The following DMD variants were observed in gnomAD, a reference collection of about 807,000 sequenced individuals.
DMD encodes the protein mutant dystrophin.
In DMD, 63 loss-of-function variants were observed where a neutral mutation model predicts 330.1. The observed-to-expected ratio is 0.19, with a 90% confidence interval of 0.16 to 0.24. The LOEUF (loss-of-function observed/expected upper bound fraction) is 0.24. Among genes scored for constraint, DMD ranks in the 10% least tolerant of loss-of-function variants. DMD has a pLI of 1.00. For missense variants in DMD, 3,344 were observed against 2,684.1 expected (o/e 1.25, Z -5.43); for synonymous variants, 1,223 against 959.8 (o/e 1.27, Z -5.07).
At chrX:32,710,552 A>T (rs2065094502) in intron 7 of DMD, among the ~76,000 whole-genome samples, 1 of 111,601 alleles carries the variant, frequency 9.0e-6, no homozygotes, top group African/African-American at 3.3e-5. Flanking sequence ...TTCAGATTGA[A>T]AATACTCAAG....
chrX:31,929,854 G>T, intron 46 of DMD, 109 bp from the exon 47 acceptor site: 1 of 953,355 alleles, frequency 1.0e-6, no homozygotes, highest in Non-Finnish European at 1.5e-6. Flanking sequence ...CTTGACCGAG[G>T]GCCCAGTGGT....
At chrX:32,966,289 A>G (rs1203831018) in intron 2 of DMD, among the ~76,000 whole-genome samples, 1 of 111,786 alleles carries the variant, frequency 8.9e-6, no homozygotes, top group Non-Finnish European at 1.9e-5. Flanking sequence ...GTCAAGGGGT[A>G]AGTCTAGTGT....
At chrX:32,814,295 G>A (rs897778406) in intron 6 of DMD, among the ~76,000 whole-genome samples, 2 of 112,173 alleles carry the variant, frequency 1.8e-5, no homozygotes, top group South Asian at 3.7e-4. Context: ...TAGAAATCTG[G>A]CTTCCTTTGA....
intron 7 of DMD, among the ~76,000 whole-genome samples, chrX:32,705,926 C>T (rs758559225): frequency 9.1e-6 from 1 of 109,883 alleles, no homozygotes; most frequent in Non-Finnish European, 1.9e-5. Context: ...CACATGCACA[C>T]GTATGTTTAC....
intron 45 of DMD, among the ~76,000 whole-genome samples, chrX:31,939,978 C>T (rs1227482405): frequency 8.9e-6 from 1 of 111,812 alleles, no homozygotes; most frequent in African/African-American, 3.3e-5. Context: ...TATATGTAAT[C>T]ACAATGCAAC....
intron 1 of DMD, among the ~76,000 whole-genome samples, chrX:33,252,780 T>C (rs1167977835): frequency 2.7e-5 from 3 of 111,837 alleles, no homozygotes; most frequent in Non-Finnish European, 5.6e-5. Flanking sequence ...ATTTAGAAGA[T>C]CATCACACAA....
At chrX:32,950,260 G>A (rs928310953) in intron 2 of DMD, among the ~76,000 whole-genome samples, 2 of 111,154 alleles carry the variant, frequency 1.8e-5, no homozygotes, top group African/African-American at 6.5e-5. Flanking sequence ...GCCAAATACT[G>A]TTTTAAGCTC....
chrX:31,516,900 C>A (rs1337555238), intron 55 of DMD, among the ~76,000 whole-genome samples: 1 of 111,163 alleles, frequency 9.0e-6, no homozygotes, highest in East Asian at 2.8e-4. Context: ...GGTGGATTAC[C>A]CCCGGAGGAA....
intron 60 of DMD, among the ~76,000 whole-genome samples, chrX:31,392,156 C>G (rs766555397): frequency 8.9e-6 from 1 of 112,230 alleles, no homozygotes; most frequent in South Asian, 3.7e-4. Context: ...TGAAACATGA[C>G]AAGAACTGCC....
chrX:32,309,679 A>AT (rs902782909), intron 42 of DMD, among the ~76,000 whole-genome samples: 3 of 111,452 alleles, frequency 2.7e-5, no homozygotes, highest in African/African-American at 9.7e-5. Context: ...CATAAAAAAT[A>AT]TAAAACAAAA....
chrX:31,930,669 A>C (rs1225931986), intron 46 of DMD, among the ~76,000 whole-genome samples: 8 of 112,392 alleles, frequency 7.1e-5, no homozygotes, highest in African/African-American at 2.6e-4. Context: ...ACAAAAATGG[A>C]TGATGCAGAA....
chrX:32,454,284 C>G (rs1165956312), intron 26 of DMD, among the ~76,000 whole-genome samples: 1 of 111,224 alleles, frequency 9.0e-6, no homozygotes, highest in Non-Finnish European at 1.9e-5. Flanking sequence ...CAAATTAACA[C>G]AGTTTGTTGA....
chrX:32,449,217 C>G (rs1374478163), intron 26 of DMD, among the ~76,000 whole-genome samples: 1 of 110,701 alleles, frequency 9.0e-6, no homozygotes, highest in Non-Finnish European at 1.9e-5. Context: ...GCCTGACACC[C>G]AGCTATGCCT....
At chrX:31,519,349 C>T (rs776479665) in intron 55 of DMD, among the ~76,000 whole-genome samples, 1 of 112,305 alleles carries the variant, frequency 8.9e-6, no homozygotes, top group African/African-American at 3.2e-5. Context: ...TAGTTGATGT[C>T]AAGTCTCATC....
chrX:32,251,313 C>G (rs984239244), intron 43 of DMD, among the ~76,000 whole-genome samples: 1 of 111,351 alleles, frequency 9.0e-6, no homozygotes, highest in Non-Finnish European at 1.9e-5. Flanking sequence ...AGGTATCCCA[C>G]GTATGTATCT....
chrX:32,251,998 GAAAT>G lies in DMD; in HGVS notation c.6291-34939_6291-34936del, dbSNP rs1383898776. On this transcript the variant is annotated intron_variant, in intron 43 of 78. Transcript: ENST00000357033. ...GGGCAACAGAGTGAGATTGTGTCTT[GAAAT>G]AAATAAATAAGTAAAACAAAATTTA... 1.3e-4 allele frequency among the ~76,000 whole-genome samples: 15 copies of G among 111,275 alleles called. No homozygotes were observed. In the East Asian group the frequency reaches 3.7e-3, roughly 28 times the overall value.
chrX:33,332,006 G>A (rs1311312365), intron 1 of DMD, among the ~76,000 whole-genome samples: 1 of 111,404 alleles, frequency 9.0e-6, no homozygotes, highest in East Asian at 2.8e-4. Flanking sequence ...CAAAATGTAT[G>A]GAGTTATAAA....
chrX:32,683,567 C>G (rs755496286), intron 9 of DMD, among the ~76,000 whole-genome samples: 1 of 100,026 alleles, frequency 1.0e-5, no homozygotes, highest in Non-Finnish European at 2.0e-5. Context: ...ACCGCATGTT[C>G]TCACTCATAG....
chrX:32,411,759 T>A lies in DMD; in HGVS notation c.4226A>T (p.Glu1409Val). ...ATTCCCAGATGTACTTGCCTGGGCT[T>A]CCTGAGGCATTTGAGCTGCGTCCAC... Reference protein sequence around the residue: ...DKVDAAQMPQEAQKIQSDLTS... With the variant: ...DKVDAAQMPQVAQKIQSDLTS... Residue 1409 changes from glutamate to valine, a missense_variant, in exon 30 of 79, where the codon GAA becomes GTA. Coordinates refer to ENST00000357033, the MANE Select transcript of DMD (RefSeq NM_004006.3). The A allele has an allele frequency of 1.7e-6, 2 of 1,211,247 alleles. No homozygotes were observed. Among genetic ancestry groups the A allele is most frequent in the Non-Finnish European group, 2.2e-6 (2 of 895,231 alleles).
Sources: allele counts gnomAD v4.1 joint callset (sites outside exome capture counted in the v4.1 genomes callset), GRCh38; gene constraint gnomAD v4.1.1; transcripts MANE v1.5; gene names NCBI Gene and HGNC (gene_info 2026-07-23, HGNC 2026-07-21).